Variants in PDZRN4 observed in about 807,000 individuals in gnomAD.
PDZRN4 encodes PDZ domain containing ring finger 4.
Under a neutral mutation model 99.0 loss-of-function variants are expected in PDZRN4, and 70 were observed. The observed-to-expected ratio is 0.71, with a 90% CI of 0.58 to 0.86. PDZRN4 has a LOEUF of 0.86. PDZRN4 is among the 40% of genes least tolerant of loss of function. The pLI, the probability that PDZRN4 is intolerant of heterozygous loss-of-function variation, is 0.00. For missense variants in PDZRN4, 1,474 were observed against 1,331.2 expected (o/e 1.11, Z -1.67); for synonymous variants, 551 against 501.6 (o/e 1.10, Z -1.32).
At chr12:41,445,190 T>C (rs1311674682) in intron 3 of PDZRN4, among the ~76,000 whole-genome samples, 1 of 152,078 alleles carries the variant, frequency 6.6e-6, no homozygotes, top group Non-Finnish European at 1.5e-5. Context: ...GTTACTAAAA[T>C]CTTAGCTAGA....
intron 3 of PDZRN4, among the ~76,000 whole-genome samples, chr12:41,376,160 G>T (rs772957270): frequency 1.3e-5 from 2 of 151,938 alleles, no homozygotes; most frequent in Non-Finnish European, 2.9e-5. Context: ...GTTTGTCTTG[G>T]CTATTGTGAA....
intron 5 of PDZRN4, among the ~76,000 whole-genome samples, chr12:41,511,992 T>C (rs1453818156): frequency 6.6e-6 from 1 of 152,074 alleles, no homozygotes; most frequent in Non-Finnish European, 1.5e-5. Context: ...AGGAGCGGGA[T>C]GGATGAGCAC....
intron 3 of PDZRN4, among the ~76,000 whole-genome samples, chr12:41,421,470 G>A (rs1043216768): frequency 6.6e-6 from 1 of 152,148 alleles, no homozygotes; most frequent in Non-Finnish European, 1.5e-5. Flanking sequence ...TGGGATTACA[G>A]GCATGAGCCA....
intron 5 of PDZRN4, among the ~76,000 whole-genome samples, chr12:41,530,891 A>G (rs893373517): frequency 2.0e-5 from 3 of 151,970 alleles, no homozygotes; most frequent in Non-Finnish European, 2.9e-5. Flanking sequence ...AGAGAGTGCA[A>G]TGGGGGTGTG....
intron 3 of PDZRN4, among the ~76,000 whole-genome samples, chr12:41,505,639 T>G (rs1214790869): frequency 6.6e-6 from 1 of 151,964 alleles, no homozygotes; most frequent in African/African-American, 2.4e-5. Flanking sequence ...CAATGGTTTC[T>G]GCCCCTGTTG....
At chr12:41,468,487 C>T (rs1056373980) in intron 3 of PDZRN4, among the ~76,000 whole-genome samples, 2 of 152,116 alleles carry the variant, frequency 1.3e-5, no homozygotes, top group African/African-American at 2.4e-5. Flanking sequence ...TGTAGTTTAA[C>T]CAAAAGGGAA....
At chr12:41,541,549 A>G (rs1421605130) in intron 5 of PDZRN4, among the ~76,000 whole-genome samples, 2 of 147,996 alleles carry the variant, frequency 1.4e-5, no homozygotes, top group African/African-American at 5.0e-5. Flanking sequence ...CACCTCCTGG[A>G]TTCACACCAT....
chr12:41,264,885 A>G (rs1217903116), intron 3 of PDZRN4, among the ~76,000 whole-genome samples: 1 of 152,146 alleles, frequency 6.6e-6, no homozygotes, highest in African/African-American at 2.4e-5. Context: ...TCTCACTTAC[A>G]AGTGGGTACT....
intron 3 of PDZRN4, among the ~76,000 whole-genome samples, chr12:41,215,215 G>A (rs1469546489): frequency 6.6e-6 from 1 of 151,978 alleles, no homozygotes. Context: ...TGGTATTAAG[G>A]AATGGCTTAG....
At chr12:41,551,490 T>C (rs2120796368) in intron 5 of PDZRN4, among the ~76,000 whole-genome samples, 1 of 152,252 alleles carries the variant, frequency 6.6e-6, no homozygotes, top group East Asian at 1.9e-4. Context: ...GAGGAAAGAC[T>C]ACCTACCTAT....
At chr12:41,236,803 C>G (rs1951070813) in intron 3 of PDZRN4, among the ~76,000 whole-genome samples, 1 of 152,026 alleles carries the variant, frequency 6.6e-6, no homozygotes, top group Admixed American at 6.6e-5. Context: ...TCAGCACAAT[C>G]AATAGAATAA....
chr12:41,561,566 A>AT (rs5797742), intron 7 of PDZRN4, among the ~76,000 whole-genome samples: 1 of 147,174 alleles, frequency 6.8e-6, no homozygotes, highest in Non-Finnish European at 1.5e-5. Context: ...GGAAATATAT[A>AT]TTTTTTATAT....
chr12:41,375,044 C>T (rs1488268749), intron 3 of PDZRN4, among the ~76,000 whole-genome samples: 1 of 152,078 alleles, frequency 6.6e-6, no homozygotes, highest in African/African-American at 2.4e-5. Flanking sequence ...CGTAGACAGG[C>T]CCATGTGGGA....
At chr12:41,398,769 T>TATGTAAATTATA (rs1179227509) in intron 3 of PDZRN4, among the ~76,000 whole-genome samples, 2 of 152,190 alleles carry the variant, frequency 1.3e-5, no homozygotes, top group African/African-American at 4.8e-5. Flanking sequence ...ATACCTGCTG[T>TATGTAAATTATA]ATGTAAATTA....
chr12:41,507,242 G>A (rs1441762562), intron 4 of PDZRN4, among the ~76,000 whole-genome samples: 2 of 152,048 alleles, frequency 1.3e-5, no homozygotes. Flanking sequence ...AAAGGATCTT[G>A]GCTGTCAGAG....
chr12:41,197,748 T>C (rs1465070786), intron 3 of PDZRN4, among the ~76,000 whole-genome samples: 1 of 151,952 alleles, frequency 6.6e-6, no homozygotes, highest in South Asian at 2.1e-4. Context: ...CTATCGAAGG[T>C]TGGGCACAAT....
At chr12:41,262,228 T>C (rs1389428544) in intron 3 of PDZRN4, among the ~76,000 whole-genome samples, 1 of 152,208 alleles carries the variant, frequency 6.6e-6, no homozygotes, top group African/African-American at 2.4e-5. Flanking sequence ...GTAACATTCA[T>C]TATAGTTTTG....
intron 1 of PDZRN4, 68 bp from the exon 2 acceptor site, chr12:41,191,390 C>T (rs893142885): frequency 3.8e-6 from 3 of 793,790 alleles, no homozygotes; most frequent in Non-Finnish European, 6.3e-6. Context: ...TACATAAAAA[C>T]TTATTGTAGG....
chr12:41,423,006 G>C (rs1171279679), intron 3 of PDZRN4, among the ~76,000 whole-genome samples: 6 of 152,102 alleles, frequency 3.9e-5, no homozygotes, highest in Non-Finnish European at 5.9e-5. Flanking sequence ...CTTACCTTCT[G>C]ATATGCTCTG....
Sources: allele counts gnomAD v4.1 joint callset (sites outside exome capture counted in the v4.1 genomes callset), GRCh38; gene constraint gnomAD v4.1.1; transcripts MANE v1.5; gene names NCBI Gene and HGNC (gene_info 2026-07-23, HGNC 2026-07-21).